TBCK: variants seen among roughly 807,000 people sequenced by gnomAD.
TBCK encodes the protein TBC domain-containing protein kinase-like protein.
Under a neutral mutation model 113.4 loss-of-function variants are expected in TBCK, and 99 were observed. That is an observed-to-expected ratio of 0.87 (90% CI 0.74 to 1.03). The LOEUF is 1.03. TBCK is among the 50% of genes least tolerant of loss of function. The pLI, the probability that TBCK is intolerant of heterozygous loss-of-function variation, is 0.00. For missense variants in TBCK, 1,045 were observed against 1,061.3 expected (o/e 0.98, Z 0.21); for synonymous variants, 369 against 370.8 (o/e 1.00, Z 0.05).
intron 20 of TBCK, among the ~76,000 whole-genome samples, chr4:106,209,029 G>A (rs1055469785): frequency 6.6e-6 from 1 of 152,170 alleles, no homozygotes; most frequent in African/African-American, 2.4e-5. Flanking sequence ...TACCTAGTGG[G>A]GCAAGCCCAG....
intron 3 of TBCK, among the ~76,000 whole-genome samples, chr4:106,279,524 T>C (rs534633568): frequency 4.3e-4 from 66 of 152,288 alleles, no homozygotes; most frequent in Admixed American, 7.2e-4. Flanking sequence ...ATAGTCACAA[T>C]GTTGTGCTAT....
intron 2 of TBCK, among the ~76,000 whole-genome samples, chr4:106,305,903 G>A (rs773208031): frequency 5.9e-5 from 9 of 152,184 alleles, no homozygotes; most frequent in Middle Eastern, 3.2e-3. Context: ...AAAAGGGGAC[G>A]CATGAATAAT....
At chr4:106,200,069 T>A (rs940399288) in intron 20 of TBCK, among the ~76,000 whole-genome samples, 2 of 152,216 alleles carry the variant, frequency 1.3e-5, no homozygotes. Flanking sequence ...ATCTTCTTGT[T>A]CACTGTGCTC....
chr4:106,056,732 T>C (rs992207688), intron 25 of TBCK, among the ~76,000 whole-genome samples: 7 of 151,766 alleles, frequency 4.6e-5, no homozygotes, highest in African/African-American at 1.7e-4. Flanking sequence ...GTCAGTATCA[T>C]ACAGAGATTT....
chr4:106,080,773 A>G (rs1195947397), intron 25 of TBCK, among the ~76,000 whole-genome samples: 1 of 152,194 alleles, frequency 6.6e-6, no homozygotes, highest in Non-Finnish European at 1.5e-5. Flanking sequence ...CAATCTATCC[A>G]TCTGACAAAG....
chr4:106,121,033 A>T (rs541237050), intron 23 of TBCK, among the ~76,000 whole-genome samples: 132 of 152,284 alleles, frequency 8.7e-4, no homozygotes, highest in African/African-American at 3.0e-3. Flanking sequence ...ACGGGAGGAC[A>T]TTCAAACCAA....
intron 19 of TBCK, among the ~76,000 whole-genome samples, chr4:106,227,844 A>G (rs1758406236): frequency 6.6e-6 from 1 of 151,802 alleles, no homozygotes. Context: ...AAAGGATATA[A>G]AACAGTATAA....
At chr4:106,072,876 A>G (rs7438546) in intron 25 of TBCK, among the ~76,000 whole-genome samples, 60,688 of 151,884 alleles carry the variant, frequency 0.4, 12,423 homozygotes, top group African/African-American at 0.47. Context: ...GCTTCTTTCC[A>G]CTTGATCGAA....
chr4:106,316,556 T>C (rs1005190284), upstream of TBCK: 16 of 1,551,520 alleles, frequency 1.0e-5, no homozygotes, highest in African/African-American at 2.2e-4. Context: ...ACATGCTTCC[T>C]GCTGTGGCTG....
At chr4:106,161,700 C>CTGTGTGTGTGTG (rs35152957) in intron 23 of TBCK, among the ~76,000 whole-genome samples, 1 of 146,360 alleles carries the variant, frequency 6.8e-6, no homozygotes, top group Non-Finnish European at 1.5e-5. Context: ...TTAGGTGTGT[C>CTGTGTGTGTGTG]TGTGTGTGTG....
At chr4:106,098,399 T>C (rs993838751) in intron 24 of TBCK, among the ~76,000 whole-genome samples, 1 of 152,012 alleles carries the variant, frequency 6.6e-6, no homozygotes, top group African/African-American at 2.4e-5. Flanking sequence ...AAAGTACTTA[T>C]GGGGTGATTA....
intron 23 of TBCK, among the ~76,000 whole-genome samples, chr4:106,140,778 A>G (rs1232126426): frequency 7.2e-6 from 1 of 139,250 alleles, no homozygotes; most frequent in Admixed American, 7.1e-5. Flanking sequence ...AATTTCTGTA[A>G]TATCTCCACC....
rs1179929735 is a variant in TBCK, at chr4:106,137,921, A to C, written c.2236-21543T>G. Among the ~76,000 whole-genome samples the C allele has an allele frequency of 2.8e-5, 4 of 140,960 alleles. 2 individuals carry two copies. Among genetic ancestry groups the C allele is most frequent in the Non-Finnish European group, 6.5e-5 (4 of 61,972 alleles). The allele number at this position is 140,960 out of a possible 152,430, so 92.5% of individuals were successfully genotyped here. A position where few individuals can be genotyped will look rare whatever the true frequency, so the allele number is the denominator to read the frequency against. ...TACGGTATCATTCTGGAGACATTTT[A>C]TCTCTCTGGGCCTCAGTTTTCTCAA... On this transcript the variant is annotated intron_variant, in intron 23 of 25. Transcript: ENST00000394708.
chr4:106,311,524 C>A (rs1017929045), intron 1 of TBCK, among the ~76,000 whole-genome samples: 10 of 151,810 alleles, frequency 6.6e-5, no homozygotes, highest in African/African-American at 2.4e-4. Context: ...ATACTTATAT[C>A]TATTGTAAGA....
chr4:106,175,970 C>T (rs903581464), intron 22 of TBCK, among the ~76,000 whole-genome samples: 5 of 152,006 alleles, frequency 3.3e-5, no homozygotes, highest in African/African-American at 1.2e-4. Context: ...CCAAACTTTG[C>T]CTATAAAGAC....
chr4:106,183,791 C>A (rs529629589), intron 22 of TBCK, among the ~76,000 whole-genome samples: 1 of 152,074 alleles, frequency 6.6e-6, no homozygotes, highest in Admixed American at 6.6e-5. Flanking sequence ...TTGTTCCAAA[C>A]ATAGTATTTT....
At chr4:106,117,832 A>G (rs1743725473) in intron 23 of TBCK, among the ~76,000 whole-genome samples, 1 of 152,130 alleles carries the variant, frequency 6.6e-6, no homozygotes, top group African/African-American at 2.4e-5. Flanking sequence ...AACCGGTGAA[A>G]CCCTGTCTCT....
intron 6 of TBCK, among the ~76,000 whole-genome samples, chr4:106,250,852 T>C (rs1475096518): frequency 1.3e-5 from 2 of 151,980 alleles, no homozygotes; most frequent in Non-Finnish European, 2.9e-5. Context: ...CTCTTTCGCC[T>C]ACCGAGCTAA....
intron 3 of TBCK, among the ~76,000 whole-genome samples, chr4:106,282,766 G>T (rs1447185930): frequency 6.6e-6 from 1 of 152,040 alleles, no homozygotes. Flanking sequence ...GGCTGGAAAG[G>T]CCTCAGGAAA....
Sources: gnomAD v4.1 joint callset for allele counts (sites outside exome capture counted in the v4.1 genomes callset) on GRCh38, gnomAD v4.1.1 for gene constraint, MANE v1.5 for transcripts, NCBI Gene and HGNC (gene_info 2026-07-23, HGNC 2026-07-21) for gene names.